SLC25A48: variants seen among roughly 807,000 people sequenced by gnomAD.
The protein encoded by SLC25A48 is solute carrier family 25 member 48.
A neutral mutation model predicts 32.2 loss-of-function variants in SLC25A48; 29 were observed. The ratio of observed to expected loss-of-function variants is 0.90; its 90% confidence interval spans 0.67 to 1.23. SLC25A48 has a LOEUF of 1.23. Among genes scored for constraint, SLC25A48 ranks in the 50% most tolerant of loss-of-function variants. The pLI is 0.00. For missense variants in SLC25A48, 399 were observed against 422.7 expected (o/e 0.94, Z 0.49); for synonymous variants, 164 against 172.3 (o/e 0.95, Z 0.38).
At chr5:135,619,148 A>T (rs1422282917) in intron 1 of SLC25A48, among the ~76,000 whole-genome samples, 1 of 152,100 alleles carries the variant, frequency 6.6e-6, no homozygotes, top group South Asian at 2.1e-4. Context: ...TGGTCACTTT[A>T]TGATGTTTTA....
At chr5:135,801,341 G>GA (rs1428621266) in intron 3 of SLC25A48, among the ~76,000 whole-genome samples, 2 of 150,440 alleles carry the variant, frequency 1.3e-5, no homozygotes, top group African/African-American at 4.9e-5. Context: ...AAAATATCTA[G>GA]AAAAAAAAGG....
At chr5:135,773,956 A>G (rs1367095275) in intron 3 of SLC25A48, among the ~76,000 whole-genome samples, 1 of 151,746 alleles carries the variant, frequency 6.6e-6, no homozygotes, top group Admixed American at 6.6e-5. Flanking sequence ...GAGGATGTAA[A>G]CTTCCCCTGA....
intron 7 of SLC25A48, among the ~76,000 whole-genome samples, chr5:135,882,622 C>A (rs1762557219): frequency 6.6e-6 from 1 of 152,168 alleles, no homozygotes; most frequent in South Asian, 2.1e-4. Flanking sequence ...TATCCCCCAG[C>A]TTTTCCAAGT....
At position 135,871,612 on chromosome 5, in the gene SLC25A48, C is replaced by A. The variant is rs754776628; in HGVS notation, c.573C>A (p.Gly191=). Residue 191 remains glycine (G), a synonymous_variant, in exon 5 of 8, where the codon GGC becomes GGA. Coordinates refer to ENST00000681962, the MANE Select transcript of SLC25A48 (RefSeq NM_001349336.2). ...ASAMLLRDVP[G]YCLYFIPYVF... ...CCATGCTGCTGAGGGATGTCCCAGGCTATTGCCTCTACTTCATCCCCTACG... is the reference window on the plus strand; with the variant it reads ...CCATGCTGCTGAGGGATGTCCCAGGATATTGCCTCTACTTCATCCCCTACG... 1.9e-6 allele frequency: 3 copies of A among 1,614,210 alleles called. No homozygotes were observed. The highest frequency in any genetic ancestry group is 2.5e-6 in the Non-Finnish European group (3 of 1,180,026).
At chr5:135,828,815 C>T (rs1280773798) in intron 4 of SLC25A48, among the ~76,000 whole-genome samples, 2 of 152,224 alleles carry the variant, frequency 1.3e-5, no homozygotes, top group South Asian at 4.1e-4. Context: ...AAACTCCAAG[C>T]CTTCCAGCTG....
chr5:135,656,379 G>A (rs970311340), intron 3 of SLC25A48, among the ~76,000 whole-genome samples: 4 of 152,076 alleles, frequency 2.6e-5, no homozygotes, highest in Non-Finnish European at 4.4e-5. Flanking sequence ...ACCCAGATTG[G>A]GCACCAGACT....
rs1262801757 is a variant in SLC25A48 at position 135,834,786 on chromosome 5, T to G, written c.-62T>G. 2.0e-6 allele frequency: 3 copies of G among 1,501,666 alleles called. No individual in the cohort carries two copies. Among genetic ancestry groups the G allele is most frequent in the Non-Finnish European group, 2.7e-6 (3 of 1,118,206 alleles). The allele number at this position is 1,501,666 out of a possible 1,614,324, so 93.0% of individuals were successfully genotyped here. A position where few individuals can be genotyped will look rare whatever the true frequency, so the allele number is the denominator to read the frequency against. ...GCGGCGCGCTCGCGCCCGCGGGCCA[T>G]GCCCCACTGACTCTAAGTGGGCACT... On this transcript the variant is annotated 5_prime_UTR_variant, in exon 1 of 8. An upstream start codon of the reference 5' UTR is lost. Transcript: ENST00000681962.
At chr5:135,591,059 G>A (rs17168702) in intron 1 of SLC25A48, among the ~76,000 whole-genome samples, 1 of 152,068 alleles carries the variant, frequency 6.6e-6, no homozygotes, top group Non-Finnish European at 1.5e-5. Flanking sequence ...GAGCCTCCAG[G>A]GTATCTGGGT....
At chr5:135,763,401 GC>G (rs1300950449) in intron 3 of SLC25A48, among the ~76,000 whole-genome samples, 2 of 152,046 alleles carry the variant, frequency 1.3e-5, no homozygotes, top group African/African-American at 2.4e-5. Flanking sequence ...TCTACCCACA[GC>G]CCCAGCTCAG....
At chr5:135,881,291 C>G (rs548585709) in intron 7 of SLC25A48, among the ~76,000 whole-genome samples, 1 of 152,306 alleles carries the variant, frequency 6.6e-6, no homozygotes, top group Admixed American at 6.5e-5. Flanking sequence ...TCTATAAAAC[C>G]TCACTGCTGC....
intron 1 of SLC25A48, chr5:135,609,613 G>A (rs1752019482): frequency 6.6e-6 from 1 of 152,158 alleles, no homozygotes; most frequent in Admixed American, 6.5e-5. Flanking sequence ...CAGACAGAAG[G>A]ACGCAGAATG....
At chr5:135,883,305 C>T in intron 7 of SLC25A48, 1 of 985,508 alleles carries the variant, frequency 1.0e-6, no homozygotes, top group Non-Finnish European at 1.2e-6. Context: ...AGCTTTGGAC[C>T]TGCACCTGGT....
chr5:135,682,874 G>A (rs1443400957), intron 3 of SLC25A48, among the ~76,000 whole-genome samples: 1 of 152,094 alleles, frequency 6.6e-6, no homozygotes, highest in African/African-American at 2.4e-5. Flanking sequence ...TTCTATCCAT[G>A]GTCTTACTGG....
chr5:135,684,646 C>T (rs1234786136), intron 3 of SLC25A48, among the ~76,000 whole-genome samples: 2 of 152,228 alleles, frequency 1.3e-5, no homozygotes, highest in Admixed American at 1.3e-4. Context: ...GCCACCAACA[C>T]TCACAGCAGC....
Position 135,879,998 on chromosome 5 carries a change from G to A in SLC25A48, c.844G>A (p.Val282Met), listed in dbSNP as rs1762344467. ...VFFRGITVNA[V>M]RGFPMSAAMF... ...TTTCAGAGGCATCACTGTGAACGCGGTGCGGGGCTTCCCCATGAGTGCGGC... is the reference window on the plus strand; with the variant it reads ...TTTCAGAGGCATCACTGTGAACGCGATGCGGGGCTTCCCCATGAGTGCGGC... Residue 282 changes from valine to methionine, a missense_variant, in exon 7 of 8, where the codon GTG (valine) becomes ATG (methionine). By Grantham distance (21) the Val-to-Met change is conservative. Coordinates refer to ENST00000681962, the MANE Select transcript of SLC25A48 (RefSeq NM_001349336.2). 7.2e-6 allele frequency: 11 copies of A among 1,536,446 alleles called. No homozygotes were observed. Among genetic ancestry groups the A allele is most frequent in the Non-Finnish European group, 9.6e-6 (11 of 1,146,970 alleles).
chr5:135,702,703 C>T (rs1754420485), intron 3 of SLC25A48, among the ~76,000 whole-genome samples: 2 of 152,262 alleles, frequency 1.3e-5, no homozygotes, highest in African/African-American at 4.8e-5. Flanking sequence ...AATGCCCAGC[C>T]ACATAGGAAA....
intron 1 of SLC25A48, among the ~76,000 whole-genome samples, chr5:135,608,284 A>G (rs904390540): frequency 1.3e-5 from 2 of 152,174 alleles, no homozygotes; most frequent in Non-Finnish European, 2.9e-5. Flanking sequence ...CCTATAGAGG[A>G]CATGAACTAA....
chr5:135,715,365 C>T (rs893077101), intron 3 of SLC25A48, among the ~76,000 whole-genome samples: 1 of 152,122 alleles, frequency 6.6e-6, no homozygotes, highest in African/African-American at 2.4e-5. Context: ...GGGGTTTGAC[C>T]CAGTGGCCCC....
intron 3 of SLC25A48, among the ~76,000 whole-genome samples, chr5:135,748,248 G>T (rs1035002929): frequency 6.6e-6 from 1 of 152,162 alleles, no homozygotes. Context: ...CAGGGCCTTG[G>T]CTCTTAATCA....
Sources: gnomAD v4.1 joint callset for allele counts (sites outside exome capture counted in the v4.1 genomes callset) on GRCh38, gnomAD v4.1.1 for gene constraint, MANE v1.5 for transcripts, NCBI Gene and HGNC (gene_info 2026-07-23, HGNC 2026-07-21) for gene names.